FGD4: variants seen among roughly 807,000 people sequenced by gnomAD.
FGD4 encodes FYVE, RhoGEF and PH domain containing 4, also known as FYVE, RhoGEF and PH domain-containing protein 4.
In FGD4, 42 loss-of-function variants were observed where a neutral mutation model predicts 102.0. The ratio of observed to expected loss-of-function variants is 0.41; its 90% confidence interval spans 0.32 to 0.53. FGD4 has a LOEUF of 0.53. Among genes scored for constraint, FGD4 ranks in the 20% least tolerant of loss-of-function variants. FGD4 has a pLI of 0.21. For missense variants in FGD4, 902 were observed against 1,078.2 expected (o/e 0.84, Z 2.29); for synonymous variants, 380 against 375.7 (o/e 1.01, Z -0.13).
At chr12:32,400,053 C>G (rs1565717372) in intron 1 of FGD4, 94 bp downstream of exon 1, 6 of 1,388,256 alleles carry the variant, frequency 4.3e-6, no homozygotes, top group East Asian at 2.9e-5. Context: ...CCTCTCGTCC[C>G]CCGCTGCGGA....
chr12:32,449,024 A>G (rs1214843485), intron 1 of FGD4, among the ~76,000 whole-genome samples: 1 of 152,222 alleles, frequency 6.6e-6, no homozygotes, highest in Non-Finnish European at 1.5e-5. Context: ...ATTAACATTT[A>G]TAGACTGAGA....
rs186016278 is a variant in FGD4, at chr12:32,597,122, A to G, written c.1012-1375A>G. On this transcript the variant is annotated intron_variant, in intron 4 of 16. Transcript: ENST00000534526. ...GAAATACTGTTTCTTTTTAGTATTTATAAGGATTAATTCATTCTTGACAAT... is the reference window on the plus strand; with the variant it reads ...GAAATACTGTTTCTTTTTAGTATTTGTAAGGATTAATTCATTCTTGACAAT... Among the ~76,000 whole-genome samples the G allele has an allele frequency of 1.8e-4, 28 of 152,344 alleles. No homozygotes were observed. In the East Asian group the frequency reaches 2.9e-3, roughly 16 times the overall value.
intron 14 of FGD4, among the ~76,000 whole-genome samples, chr12:32,626,448 A>G (rs893091609): frequency 9.6e-5 from 4 of 41,638 alleles, no homozygotes; most frequent in African/African-American, 1.7e-4. Context: ...CCATCTCAGA[A>G]AAAAAAAAAA....
intron 1 of FGD4, among the ~76,000 whole-genome samples, chr12:32,525,207 T>C (rs2136774188): frequency 6.6e-6 from 1 of 152,224 alleles, no homozygotes; most frequent in Non-Finnish European, 1.5e-5. Flanking sequence ...CAGATTAGAG[T>C]CCTGGCTTGG....
At chr12:32,524,891 CAT>C (rs1940981326) in intron 1 of FGD4, among the ~76,000 whole-genome samples, 1 of 151,262 alleles carries the variant, frequency 6.6e-6, no homozygotes, top group African/African-American at 2.4e-5. Flanking sequence ...CATTTATAAA[CAT>C]AGAAATTGTT....
chr12:32,636,302 G>C (rs555836077), intron 15 of FGD4, among the ~76,000 whole-genome samples: 97 of 152,220 alleles, frequency 6.4e-4, no homozygotes, highest in African/African-American at 2.3e-3. Flanking sequence ...CCAAGGCTGA[G>C]GTGGGTGGAT....
chr12:32,502,405 G>A (rs1006022192), intron 1 of FGD4: 1 of 935,268 alleles, frequency 1.1e-6, no homozygotes, highest in African/African-American at 1.8e-5. Flanking sequence ...TCTCCATGTG[G>A]TCCAAGGAAA....
intron 2 of FGD4, among the ~76,000 whole-genome samples, chr12:32,570,478 A>C (rs185714033): frequency 6.6e-6 from 1 of 151,604 alleles, no homozygotes; most frequent in Non-Finnish European, 1.5e-5. Context: ...CAGGCTGTCT[A>C]TTGCCCAGGC....
chr12:32,455,124 C>T (rs1942915128), intron 1 of FGD4, among the ~76,000 whole-genome samples: 1 of 152,102 alleles, frequency 6.6e-6, no homozygotes. Flanking sequence ...TTGCATTGTT[C>T]TTGTACTTCC....
intron 7 of FGD4, among the ~76,000 whole-genome samples, chr12:32,604,837 A>G (rs1167164580): frequency 6.6e-6 from 1 of 152,034 alleles, no homozygotes; most frequent in African/African-American, 2.4e-5. Flanking sequence ...AAGTTCAACA[A>G]TTTTTAAAGT....
intron 2 of FGD4, among the ~76,000 whole-genome samples, chr12:32,573,719 TC>T (rs1043096062): frequency 2.0e-5 from 3 of 152,216 alleles, no homozygotes; most frequent in African/African-American, 7.2e-5. Context: ...ATTTACATTT[TC>T]TCCCTTGCTG....
rs59572242 is a variant in FGD4, at chr12:32,633,766, G to A, written c.2313+77G>A. The A allele has an allele frequency of 0.16, 219,443 of 1,359,982 alleles. 19,915 individuals are homozygous for A. The highest frequency in any genetic ancestry group is 0.36 in the African/African-American group (25,080 of 68,974). The allele number at this position is 1,359,982 out of a possible 1,614,324, so 84.2% of individuals were successfully genotyped here. On this transcript the variant is annotated intron_variant, in intron 15 of 16. Coordinates refer to ENST00000534526, the MANE Select transcript of FGD4 (RefSeq NM_001370298.3). ...ACTCTCGCTCTGTCACCCAGGCTGAGGTGCAGTGGCACGATCTCAGCTCAC... is the reference window on the plus strand; with the variant it reads ...ACTCTCGCTCTGTCACCCAGGCTGAAGTGCAGTGGCACGATCTCAGCTCAC...
At chr12:32,581,337 T>A (rs1946600190) in intron 3 of FGD4, among the ~76,000 whole-genome samples, 1 of 152,074 alleles carries the variant, frequency 6.6e-6, no homozygotes, top group Non-Finnish European at 1.5e-5. Context: ...TTCCCTTGAG[T>A]GTGTGAGGAA....
At chr12:32,539,396 C>T (rs1278995096) in intron 1 of FGD4, among the ~76,000 whole-genome samples, 1 of 151,948 alleles carries the variant, frequency 6.6e-6, no homozygotes, top group African/African-American at 2.4e-5. Context: ...ATGGAGAAAC[C>T]GCATCTCTAC....
intron 1 of FGD4, among the ~76,000 whole-genome samples, chr12:32,520,237 G>GT (rs140270220): frequency 0.25 from 37,092 of 151,376 alleles, 5,341 homozygotes; most frequent in Middle Eastern, 0.44. Flanking sequence ...CCAAATTGCT[G>GT]TATTGTGAAA....
chr12:32,415,852 CTGATA>C (rs540828635), intron 1 of FGD4, among the ~76,000 whole-genome samples: 97 of 152,290 alleles, frequency 6.4e-4, no homozygotes, highest in Admixed American at 1.6e-3. Flanking sequence ...CCTATTTCAT[CTGATA>C]TAAGTATAGC....
intron 1 of FGD4, among the ~76,000 whole-genome samples, chr12:32,543,704 G>T (rs1229209445): frequency 6.6e-6 from 1 of 152,166 alleles, no homozygotes; most frequent in Non-Finnish European, 1.5e-5. Flanking sequence ...TCAGCTCACT[G>T]CAAGCTCCGC....
chr12:32,621,564 A>G (rs548844901), intron 11 of FGD4, among the ~76,000 whole-genome samples: 2 of 152,354 alleles, frequency 1.3e-5, no homozygotes, highest in African/African-American at 4.8e-5. Context: ...AAAAAGAGAA[A>G]TCATTTTAAC....
chr12:32,412,253 G>T (rs554178899), intron 1 of FGD4, among the ~76,000 whole-genome samples: 2 of 152,310 alleles, frequency 1.3e-5, no homozygotes, highest in Admixed American at 1.3e-4. Context: ...AGAAAGATCT[G>T]ATTAGGTCTG....
Sources: gnomAD v4.1 joint callset for allele counts (sites outside exome capture counted in the v4.1 genomes callset) on GRCh38, gnomAD v4.1.1 for gene constraint, MANE v1.5 for transcripts, NCBI Gene and HGNC (gene_info 2026-07-23, HGNC 2026-07-21) for gene names.